SPON1: variants seen among roughly 807,000 people sequenced by gnomAD.
The protein encoded by SPON1 is spondin-1.
In SPON1, 52 loss-of-function variants were observed where a neutral mutation model predicts 111.7. The ratio of observed to expected loss-of-function variants is 0.47; its 90% CI spans 0.37 to 0.59. The LOEUF is 0.59. Ranked by LOEUF, SPON1 falls within the 20% of genes least tolerant of loss-of-function variation. The pLI is 0.00. For missense variants in SPON1, 957 were observed against 1,068.5 expected (o/e 0.90, Z 1.46); for synonymous variants, 410 against 395.8 (o/e 1.04, Z -0.43).
chr11:14,234,951 G>A (rs79296323), intron 6 of SPON1, among the ~76,000 whole-genome samples: 9 of 152,300 alleles, frequency 5.9e-5, no homozygotes, highest in African/African-American at 1.7e-4. Context: ...GCTGCTTCCC[G>A]GGGAACGGGG....
At chr11:14,049,982 C>T (rs1019585316) in intron 3 of SPON1, among the ~76,000 whole-genome samples, 18 of 150,398 alleles carry the variant, frequency 1.2e-4, no homozygotes, top group African/African-American at 4.1e-4. Flanking sequence ...CCTGTCGATG[C>T]AATCCAGGGT....
chr11:14,259,749 G>A lies in SPON1; in HGVS notation c.1831+48G>A, dbSNP rs1356232732. 17 of 1,530,208 alleles carry A rather than the reference G, an allele frequency of 1.1e-5. No individual in the cohort carries two copies. The highest frequency in any genetic ancestry group is 2.7e-5 in the African/African-American group (2 of 72,962). 94.8% of individuals were successfully genotyped at this position (1,530,208 alleles called of 1,614,324 possible). A position where few individuals can be genotyped will look rare whatever the true frequency, so the allele number is the denominator to read the frequency against. On this transcript the variant is annotated intron_variant, in intron 13 of 15. Coordinates refer to ENST00000576479, the MANE Select transcript of SPON1 (RefSeq NM_006108.4). This position sits in a 1 kb window ranked among gnomAD's most constrained non-coding sequence, Gnocchi z 5.0. ...TTGGAGGAGGCCACTGGGGACAGGC[G>A]TGGAGGGCCATGGCATCCACTATTA...
At chr11:14,149,204 G>A (rs915640255) in intron 6 of SPON1, among the ~76,000 whole-genome samples, 6 of 152,118 alleles carry the variant, frequency 3.9e-5, no homozygotes, top group African/African-American at 1.4e-4. Context: ...AGTGGGACAA[G>A]GTGTGGAAGT....
chr11:14,184,404 T>C (rs1848264689), intron 6 of SPON1, among the ~76,000 whole-genome samples: 1 of 152,210 alleles, frequency 6.6e-6, no homozygotes, highest in Non-Finnish European at 1.5e-5. Context: ...ATTAATTTAT[T>C]AATTGATGGA....
chr11:14,160,739 AATTTATATAT>A (rs1159835364), intron 6 of SPON1, among the ~76,000 whole-genome samples: 3 of 25,290 alleles, frequency 1.2e-4, no homozygotes, highest in Non-Finnish European at 2.1e-4. Context: ...ATATATATTT[AATTTATATAT>A]ATTTATATAT....
intron 6 of SPON1, among the ~76,000 whole-genome samples, chr11:14,146,678 G>A (rs1192745614): frequency 1.3e-5 from 2 of 151,966 alleles, no homozygotes; most frequent in African/African-American, 4.8e-5. Context: ...ATAATGAAGG[G>A]AAGACTGGCT....
At chr11:13,975,434 T>C (rs1554908979) in intron 1 of SPON1, among the ~76,000 whole-genome samples, 1 of 152,232 alleles carries the variant, frequency 6.6e-6, no homozygotes. Context: ...GCATTTACTA[T>C]GTGTAAAGTG....
intron 5 of SPON1, among the ~76,000 whole-genome samples, chr11:14,134,729 A>T (rs1281988251): frequency 6.6e-6 from 1 of 152,164 alleles, no homozygotes; most frequent in Non-Finnish European, 1.5e-5. Flanking sequence ...CATTCTTCAC[A>T]CTGCTGTCTG....
intron 7 of SPON1, among the ~76,000 whole-genome samples, chr11:14,248,971 C>T (rs1232714243): frequency 6.6e-6 from 1 of 152,208 alleles, no homozygotes; most frequent in Non-Finnish European, 1.5e-5. Flanking sequence ...TTTCCTAGTT[C>T]CTCCGGTGCC....
chr11:14,005,776 C>A (rs1300901656), intron 2 of SPON1, among the ~76,000 whole-genome samples: 2 of 152,140 alleles, frequency 1.3e-5, no homozygotes, highest in Non-Finnish European at 2.9e-5. Flanking sequence ...AGGCTATGCA[C>A]AAAGGGCTTC....
At position 14,172,807 on chromosome 11, in the gene SPON1, G is replaced by T. The variant is rs1314890870; in HGVS notation, c.825+37239G>T. On this transcript the variant is annotated intron_variant, in intron 6 of 15. Coordinates refer to ENST00000576479, the MANE Select transcript of SPON1 (RefSeq NM_006108.4). Reference sequence around the variant, plus strand: ...GTTGAAAATTCTTTTCTTTAAGAATGTTGAATATTGGCCCCCACTCTCTTC... The same window carrying T: ...GTTGAAAATTCTTTTCTTTAAGAATTTTGAATATTGGCCCCCACTCTCTTC... Among the ~76,000 whole-genome samples the T allele has an allele frequency of 3.3e-5, 5 of 152,040 alleles. No individual in the cohort carries two copies. The South Asian group carries it at 1.0e-3, about 32-fold the overall frequency.
intron 2 of SPON1, among the ~76,000 whole-genome samples, chr11:13,988,395 A>G (rs1158486418): frequency 6.6e-6 from 1 of 152,190 alleles, no homozygotes; most frequent in East Asian, 1.9e-4. Flanking sequence ...ATTTTTGCAC[A>G]TTGATTTTGT....
At chr11:14,003,923 TC>T (rs1554912774) in intron 2 of SPON1, among the ~76,000 whole-genome samples, 1 of 152,160 alleles carries the variant, frequency 6.6e-6, no homozygotes, top group Non-Finnish European at 1.5e-5. Flanking sequence ...ACTTACATCT[TC>T]CTATTTTTTC....
chr11:14,226,360 T>A (rs542019198), intron 6 of SPON1, among the ~76,000 whole-genome samples: 3 of 152,332 alleles, frequency 2.0e-5, no homozygotes, highest in South Asian at 2.1e-4. Context: ...TGACATTTTT[T>A]AAAACATAAT....
intron 6 of SPON1, among the ~76,000 whole-genome samples, chr11:14,189,356 T>G (rs1554934346): frequency 6.6e-6 from 1 of 152,214 alleles, no homozygotes; most frequent in African/African-American, 2.4e-5. Flanking sequence ...ACCCCACTCT[T>G]CTGCAGGGCT....
At position 14,232,262 on chromosome 11, in the gene SPON1, C is replaced by T. The variant is rs1254081360; in HGVS notation, c.826-11070C>T. Among the ~76,000 whole-genome samples the T allele has an allele frequency of 2.6e-5, 4 of 152,028 alleles. No individual in the cohort carries two copies. The East Asian group carries it at 7.7e-4, about 29-fold the overall frequency. ...CCGGAGAGCTAATCAGCACTGGACA[C>T]ACTGTGTAGCTGTTATGTCTGCCTC... is the stretch of plus-strand genomic sequence containing the variant. On this transcript the variant is annotated intron_variant, in intron 6 of 15. Coordinates refer to ENST00000576479, the MANE Select transcript of SPON1 (RefSeq NM_006108.4).
intron 2 of SPON1, among the ~76,000 whole-genome samples, chr11:13,983,445 G>A (rs946430502): frequency 1.3e-5 from 2 of 152,232 alleles, no homozygotes; most frequent in East Asian, 1.9e-4. Context: ...GAACAGGGCC[G>A]AGTTTAAGAG....
intron 6 of SPON1, among the ~76,000 whole-genome samples, chr11:14,160,405 A>ATATATATATATT (rs1847897217): frequency 1.0e-4 from 4 of 38,574 alleles, no homozygotes; most frequent in African/African-American, 3.4e-4. Context: ...ATATATATTT[A>ATATATATATATT]TATATATATA....
At chr11:13,992,845 C>T (rs1044107534) in intron 2 of SPON1, among the ~76,000 whole-genome samples, 18 of 152,030 alleles carry the variant, frequency 1.2e-4, no homozygotes, top group South Asian at 2.1e-4. Context: ...GGTGAGGTGA[C>T]GCTCCATCCT....
Sources: gnomAD v4.1 joint callset for allele counts (sites outside exome capture counted in the v4.1 genomes callset) on GRCh38, gnomAD v4.1.1 for gene constraint, Gnocchi (gnomAD v3.1) non-coding constraint, MANE v1.5 for transcripts, NCBI Gene and HGNC (gene_info 2026-07-23, HGNC 2026-07-21) for gene names.